The following NRG3 variants were observed in gnomAD, a reference collection of about 807,000 sequenced individuals.
The protein encoded by NRG3 is neuregulin 3, also known as pro-neuregulin-3, membrane-bound isoform.
A neutral mutation model predicts 66.9 loss-of-function variants in NRG3; 31 were observed. The ratio of observed to expected loss-of-function variants is 0.46; its 90% CI spans 0.35 to 0.63. NRG3 has a LOEUF of 0.63. Among genes scored for constraint, NRG3 ranks in the 20% least tolerant of loss-of-function variants. The pLI is 0.00. For synonymous variants in NRG3, 393 were observed against 359.4 expected (o/e 1.09, Z -1.06); for missense variants, 910 against 878.9 (o/e 1.04, Z -0.45).
At chr10:82,583,542 A>G (rs1267097812) in intron 2 of NRG3, among the ~76,000 whole-genome samples, 5 of 152,226 alleles carry the variant, frequency 3.3e-5, no homozygotes, top group Non-Finnish European at 5.9e-5. Context: ...ACTACTTGTA[A>G]ACCTATGTCT....
At position 81,896,275 on chromosome 10, in the gene NRG3, T is replaced by C. The variant is rs568297153; in HGVS notation, c.823+20112T>C. Among the ~76,000 whole-genome samples the C allele has an allele frequency of 9.2e-5, 14 of 152,254 alleles. No homozygotes were observed. In the East Asian group the frequency reaches 2.3e-3, roughly 25 times the overall value. On this transcript the variant is annotated intron_variant, in intron 1 of 8. Coordinates refer to ENST00000372141, the MANE Select transcript of NRG3 (RefSeq NM_001010848.4). Reference sequence around the variant, plus strand: ...TGAAACTGAGTTGTATGTCAATCTCTGATATCTCAATTTCTGACACACTGA... The same window carrying C: ...TGAAACTGAGTTGTATGTCAATCTCCGATATCTCAATTTCTGACACACTGA...
intron 1 of NRG3, among the ~76,000 whole-genome samples, chr10:82,268,350 A>T (rs181093581): frequency 3.3e-4 from 50 of 152,224 alleles, no homozygotes; most frequent in Admixed American, 2.5e-3. Context: ...TGGACCCCAA[A>T]CCCAGTGTGG....
At position 82,566,789 on chromosome 10, in the gene NRG3, A is replaced by C. The variant is rs1483900268; in HGVS notation, c.954-171788A>C. On this transcript the variant is annotated intron_variant, in intron 2 of 8. Coordinates refer to ENST00000372141, the MANE Select transcript of NRG3 (RefSeq NM_001010848.4). The stretch of plus-strand genomic sequence containing the variant: ...ACCAAGTAGTAGATATTTAATCAAT[A>C]AAAAATTTTTCTAAATAAAAAAATA... Among the ~76,000 whole-genome samples the C allele has an allele frequency of 2.0e-5, 3 of 152,018 alleles. No homozygotes were observed. In the East Asian group the frequency reaches 5.8e-4, roughly 29 times the overall value.
chr10:82,031,247 C>T (rs1015481310), intron 1 of NRG3, among the ~76,000 whole-genome samples: 9 of 152,136 alleles, frequency 5.9e-5, no homozygotes, highest in African/African-American at 1.9e-4. Context: ...GATAATGAAG[C>T]ACTGTTATTC....
chr10:82,962,624 A>C (rs1040907657), intron 6 of NRG3, among the ~76,000 whole-genome samples: 4 of 152,228 alleles, frequency 2.6e-5, no homozygotes, highest in South Asian at 2.1e-4. Flanking sequence ...GGATCACCTG[A>C]GGTCGGGAGT....
intron 1 of NRG3, among the ~76,000 whole-genome samples, chr10:81,967,291 A>C (rs2059767247): frequency 6.6e-6 from 1 of 151,822 alleles, no homozygotes; most frequent in African/African-American, 2.4e-5. Context: ...CAGAAGATTT[A>C]TCTTAACATT....
intron 2 of NRG3, among the ~76,000 whole-genome samples, chr10:82,490,246 C>A (rs920276003): frequency 5.9e-5 from 9 of 152,180 alleles, no homozygotes; most frequent in Non-Finnish European, 8.8e-5. Flanking sequence ...CTACTTCTGG[C>A]AGCCAGTTCC....
intron 1 of NRG3, among the ~76,000 whole-genome samples, chr10:82,090,326 G>A (rs903771612): frequency 1.3e-5 from 2 of 152,120 alleles, no homozygotes; most frequent in Non-Finnish European, 2.9e-5. Context: ...CTGTTTTATT[G>A]TTTATAGCTA....
intron 1 of NRG3, among the ~76,000 whole-genome samples, chr10:82,306,933 T>C (rs558808954): frequency 1.6e-4 from 24 of 152,200 alleles, no homozygotes; most frequent in African/African-American, 5.8e-4. Flanking sequence ...TGATATCCAG[T>C]ACCAGTCTTT....
intron 1 of NRG3, among the ~76,000 whole-genome samples, chr10:81,979,081 T>A (rs1318530223): frequency 6.7e-6 from 1 of 149,060 alleles, no homozygotes; most frequent in Non-Finnish European, 1.5e-5. Context: ...CCCAGCTACT[T>A]GGGAGGCTGA....
intron 1 of NRG3, among the ~76,000 whole-genome samples, chr10:82,238,275 C>A (rs2076848037): frequency 6.6e-6 from 1 of 151,668 alleles, no homozygotes; most frequent in Non-Finnish European, 1.5e-5. Flanking sequence ...ATAAGTATAG[C>A]AATCCTATAA....
At position 82,643,311 on chromosome 10, in the gene NRG3, G is replaced by A. The variant is rs578132468; in HGVS notation, c.954-95266G>A. 2.6e-5 allele frequency among the ~76,000 whole-genome samples: 4 copies of A among 152,126 alleles called. No individual in the cohort carries two copies. The East Asian group carries it at 7.8e-4, about 30-fold the overall frequency. Reference sequence around the variant, plus strand: ...TAATGAGATCTGATGGTTTTAAAAAGGAGAGTTTCCCTGCAGAAGCTCTCT... The same window carrying A: ...TAATGAGATCTGATGGTTTTAAAAAAGAGAGTTTCCCTGCAGAAGCTCTCT... On this transcript the variant is annotated intron_variant, in intron 2 of 8. Coordinates refer to ENST00000372141, the MANE Select transcript of NRG3 (RefSeq NM_001010848.4).
intron 1 of NRG3, among the ~76,000 whole-genome samples, chr10:81,906,733 T>C (rs1018389036): frequency 1.5e-4 from 23 of 152,038 alleles, no homozygotes; most frequent in African/African-American, 5.6e-4. Context: ...TTGGCTTGTG[T>C]AGAAAATAGA....
At chr10:82,534,298 A>G (rs1378883820) in intron 2 of NRG3, among the ~76,000 whole-genome samples, 1 of 150,914 alleles carries the variant, frequency 6.6e-6, no homozygotes, top group Non-Finnish European at 1.5e-5. Flanking sequence ...GTATCGCTGT[A>G]TTGCCCAGGC....
At chr10:82,810,225 C>T (rs1402078517) in intron 3 of NRG3, among the ~76,000 whole-genome samples, 1 of 152,054 alleles carries the variant, frequency 6.6e-6, no homozygotes, top group African/African-American at 2.4e-5. Context: ...AGTAGCCCTA[C>T]CCTAAGGTTA....
chr10:82,242,208 C>T (rs1386384050), intron 1 of NRG3, among the ~76,000 whole-genome samples: 4 of 152,144 alleles, frequency 2.6e-5, no homozygotes, highest in East Asian at 1.9e-4. Context: ...TGTAATCCAA[C>T]TTCAATCGTG....
intron 2 of NRG3, among the ~76,000 whole-genome samples, chr10:82,396,307 G>T (rs546347378): frequency 6.6e-6 from 1 of 152,080 alleles, no homozygotes; most frequent in African/African-American, 2.4e-5. Flanking sequence ...AGTTCCTCTA[G>T]CTGCATAATG....
At chr10:82,114,880 G>A (rs563156092) in intron 1 of NRG3, among the ~76,000 whole-genome samples, 2 of 152,036 alleles carry the variant, frequency 1.3e-5, no homozygotes, top group African/African-American at 4.8e-5. Flanking sequence ...TTCATACAAC[G>A]CAAGTACTCA....
At chr10:82,664,246 T>G (rs55841245) in intron 2 of NRG3, among the ~76,000 whole-genome samples, 19,582 of 152,156 alleles carry the variant, frequency 0.13, 1,383 homozygotes, top group East Asian at 0.24. Flanking sequence ...CCATACAATT[T>G]CTGTCATTAC....
Sources: gnomAD v4.1 joint callset for allele counts (sites outside exome capture counted in the v4.1 genomes callset) on GRCh38, gnomAD v4.1.1 for gene constraint, MANE v1.5 for transcripts, NCBI Gene and HGNC (gene_info 2026-07-23, HGNC 2026-07-21) for gene names.